The following DAG1 variants were observed in gnomAD, a reference collection of about 807,000 sequenced individuals.
DAG1 encodes the protein dystroglycan 1, also known as dystroglycan 1 (dystrophin-associated glycoprotein 1).
A neutral mutation model predicts 46.1 loss-of-function variants in DAG1; 8 were observed. The ratio of observed to expected loss-of-function variants is 0.17; its 90% CI spans 0.10 to 0.31. The LOEUF (loss-of-function observed/expected upper bound fraction) is 0.31. Ranked by LOEUF, DAG1 falls within the 10% of genes least tolerant of loss-of-function variation. The probability of loss-of-function intolerance (pLI) is 1.00; values close to 1 mark genes in which losing one functional copy is unlikely to be tolerated. For synonymous variants in DAG1, 495 were observed against 481.8 expected (o/e 1.03, Z -0.36); for missense variants, 1,003 against 1,189.9 (o/e 0.84, Z 2.31).
rs397946201 is a variant in DAG1, at chr3:49,501,814, C to CAA, written c.-116-8592_-116-8591dup. 5.2e-3 allele frequency among the ~76,000 whole-genome samples: 630 copies of CAA among 121,622 alleles called. 6 individuals are homozygous for CAA. Among genetic ancestry groups the CAA allele is most frequent in the East Asian group, 0.018 (78 of 4,448 alleles). 79.8% of individuals were successfully genotyped at this position (121,622 alleles called of 152,430 possible). On this transcript the variant is annotated intron_variant, in intron 1 of 2. Coordinates refer to ENST00000308775, the MANE Select transcript of DAG1 (RefSeq NM_004393.6). ...GGGTGACAGAGTGAGACTCCCTCTC[C>CAA]AAAAAAAAAAAAAAGGATTAAAATG... is the stretch of plus-strand genomic sequence containing the variant.
rs572035335 is a variant in DAG1, at chr3:49,476,599, C to T, written c.-117+6166C>T. Among the ~76,000 whole-genome samples the T allele has an allele frequency of 7.9e-5, 12 of 152,130 alleles. No individual in the cohort carries two copies. In the South Asian group the frequency reaches 1.9e-3, roughly 24 times the overall value. ...CTCAGTTATACCTTTTTGAGCTAAT[C>T]GTTTTAAAAAATACCACTGTCTAAA... On this transcript the variant is annotated intron_variant, in intron 1 of 2. Transcript: ENST00000308775.
rs745449164 is a variant in DAG1, at chr3:49,531,482, T to C, written c.971T>C (p.Ile324Thr). 2.5e-6 allele frequency: 4 copies of C among 1,613,776 alleles called. No homozygotes were observed. The highest frequency in any genetic ancestry group is 1.3e-5 in the African/African-American group (1 of 74,960). The change falls in exon 3 of 3, where the codon ATT becomes ACT. Residue 324 changes from isoleucine to threonine, a missense_variant. This residue lies in a region of DAG1 where 755 missense variants were observed against 854.1 expected (regional missense o/e 0.88). Coordinates refer to ENST00000308775, the MANE Select transcript of DAG1 (RefSeq NM_004393.6). This position sits in a 1 kb window ranked among gnomAD's most constrained non-coding sequence, Gnocchi z 7.0. ...IHATPTPVTAIGPPTTAIQEP... is the reference protein window; with the variant it reads ...IHATPTPVTATGPPTTAIQEP... ...GCTACACCCACACCTGTCACTGCCA[T>C]TGGGCCCCCAACCACGGCTATCCAG...
intron 1 of DAG1, among the ~76,000 whole-genome samples, chr3:49,487,692 C>CTTTTTTTTTTTTTTTTTTTTTTTT (rs10686005): frequency 9.5e-6 from 1 of 105,718 alleles, no homozygotes; most frequent in Non-Finnish European, 1.8e-5. Flanking sequence ...CCCATACATT[C>CTTTTTTTTTTTTTTTTTTTTTTTT]TTTTTTTTTT....
chr3:49,487,035 G>A (rs750329406), intron 1 of DAG1, among the ~76,000 whole-genome samples: 2 of 151,932 alleles, frequency 1.3e-5, no homozygotes, highest in Admixed American at 6.6e-5. Flanking sequence ...GATTACAGGC[G>A]TGTGCCATGC....
chr3:49,486,230 A>ATTTT (rs71627394), intron 1 of DAG1, among the ~76,000 whole-genome samples: 3 of 145,118 alleles, frequency 2.1e-5, no homozygotes, highest in East Asian at 2.0e-4. Context: ...TTATTTATTT[A>ATTTT]TTTTTTGAGA....
intron 1 of DAG1, among the ~76,000 whole-genome samples, chr3:49,484,200 A>G (rs186269699): frequency 1.3e-5 from 2 of 152,338 alleles, no homozygotes; most frequent in Admixed American, 6.5e-5. Context: ...AGAAGGGTCA[A>G]CAGTATGGTC....
chr3:49,475,531 A>G (rs1176995222), intron 1 of DAG1, among the ~76,000 whole-genome samples: 4 of 151,452 alleles, frequency 2.6e-5, no homozygotes, highest in Non-Finnish European at 4.4e-5. Context: ...CAGCCTCCCA[A>G]GTAGCTGGGA....
At chr3:49,528,275 AT>A (rs147292984) in intron 2 of DAG1, among the ~76,000 whole-genome samples, 108 of 66,622 alleles carry the variant, frequency 1.6e-3, no homozygotes, top group African/African-American at 4.8e-3. Flanking sequence ...AAATAGTGTG[AT>A]TTTTTTTTTT....
rs529185659 is a variant in DAG1 at position 49,521,000 on chromosome 3, A to T, written c.286-9797A>T. ...TCAGTTTTGTTTTTCAGCTATGCAT[A>T]ACTGACTCAGACTATGGGTGGAAAC... On this transcript the variant is annotated intron_variant, in intron 2 of 2. Transcript: ENST00000308775. Among the ~76,000 whole-genome samples, 12 of 152,232 alleles carry T rather than the reference A, an allele frequency of 7.9e-5. No homozygotes were observed. In the South Asian group the frequency reaches 1.5e-3, roughly 18 times the overall value.
chr3:49,480,528 C>A (rs530165721), intron 1 of DAG1, among the ~76,000 whole-genome samples: 6 of 150,540 alleles, frequency 4.0e-5, no homozygotes, highest in African/African-American at 1.2e-4. Flanking sequence ...CTCCTGACCT[C>A]GTGATCCGCC....
At chr3:49,497,456 AT>A (rs1273890005) in intron 1 of DAG1, among the ~76,000 whole-genome samples, 4 of 144,036 alleles carry the variant, frequency 2.8e-5, no homozygotes, top group African/African-American at 1.0e-4. Flanking sequence ...AAAAAAAAAA[AT>A]TAAAAAATGA....
chr3:49,511,975 T>G (rs1436610706), intron 2 of DAG1, among the ~76,000 whole-genome samples: 2 of 152,202 alleles, frequency 1.3e-5, no homozygotes, highest in Non-Finnish European at 2.9e-5. Flanking sequence ...ACACTTATAG[T>G]CCCATTCTGA....
At chr3:49,493,862 C>T (rs891838594) in intron 1 of DAG1, among the ~76,000 whole-genome samples, 20 of 152,202 alleles carry the variant, frequency 1.3e-4, no homozygotes, top group African/African-American at 4.1e-4. Flanking sequence ...CCTGGCCCAC[C>T]ATTTCACTGG....
chr3:49,480,362 G>A (rs1223322566), intron 1 of DAG1, among the ~76,000 whole-genome samples: 4 of 144,734 alleles, frequency 2.8e-5, no homozygotes, highest in African/African-American at 5.1e-5. Context: ...TGCAAGTTCC[G>A]TCTCCTGGGT....
At chr3:49,490,574 TA>T (rs200118301) in intron 1 of DAG1, among the ~76,000 whole-genome samples, 5 of 151,380 alleles carry the variant, frequency 3.3e-5, no homozygotes, top group Non-Finnish European at 5.9e-5. Flanking sequence ...TTTATTCTTT[TA>T]TTTTTTTTTT....
At chr3:49,530,129 G>A (rs1430255943) in intron 2 of DAG1, among the ~76,000 whole-genome samples, 1 of 152,010 alleles carries the variant, frequency 6.6e-6, no homozygotes, top group African/African-American at 2.4e-5. Context: ...CTGCTCCCTG[G>A]GTACCACAGT....
rs763343344 is a variant in DAG1 at position 49,532,476 on chromosome 3, C to T, written c.1965C>T (p.Ile655=). ...TGCAGAATATCACCCGGGGCTCCAT[C>T]GTGGTGGAATGGACCAACAACACAC... ...ITLQNITRGS[I]VVEWTNNTLP... Residue 655 remains isoleucine, a synonymous_variant, in exon 3 of 3, where the codon ATC becomes ATT. Transcript: ENST00000308775. This position sits in a 1 kb window ranked among gnomAD's most constrained non-coding sequence, Gnocchi z 5.4. 1.5e-5 allele frequency: 25 copies of T among 1,614,094 alleles called. No individual in the cohort carries two copies. The Admixed American group carries it at 1.7e-4, about 11-fold the overall frequency.
intron 1 of DAG1, among the ~76,000 whole-genome samples, chr3:49,498,397 G>A (rs2050367471): frequency 6.6e-6 from 1 of 151,842 alleles, no homozygotes; most frequent in African/African-American, 2.4e-5. Flanking sequence ...AGAGACATTT[G>A]CCATTTTTTT....
chr3:49,522,795 T>G (rs937506738), intron 2 of DAG1, among the ~76,000 whole-genome samples: 47 of 152,224 alleles, frequency 3.1e-4, no homozygotes, highest in Admixed American at 2.0e-4. Flanking sequence ...ACCAGAAAGT[T>G]TTCTGGCCTT....
Sources: gnomAD v4.1 joint callset for allele counts (sites outside exome capture counted in the v4.1 genomes callset) on GRCh38, gnomAD v4.1.1 for gene constraint, gnomAD v4.1.1 regional missense constraint, Gnocchi (gnomAD v3.1) non-coding constraint, MANE v1.5 for transcripts, NCBI Gene and HGNC (gene_info 2026-07-23, HGNC 2026-07-21) for gene names.